IPO11: variants seen among roughly 807,000 people sequenced by gnomAD.
IPO11 encodes the protein importin-11.
In IPO11, 66 loss-of-function variants were observed where a neutral mutation model predicts 143.2. The ratio of observed to expected loss-of-function variants is 0.46; its 90% CI spans 0.38 to 0.57. The LOEUF is 0.57. IPO11 is among the 20% of genes least tolerant of loss of function. The pLI, the probability that IPO11 is intolerant of heterozygous loss-of-function variation, is 0.00. For synonymous variants in IPO11, 385 were observed against 377.8 expected, an observed-to-expected ratio of 1.02 and a Z score of -0.22; for missense variants, 1,026 against 1,141.0, an observed-to-expected ratio of 0.90 and a Z score of 1.45.
intron 2 of IPO11, among the ~76,000 whole-genome samples, chr5:62,441,722 G>A (rs1744487557): frequency 6.6e-6 from 1 of 151,110 alleles, no homozygotes; most frequent in African/African-American, 2.4e-5. Context: ...CATCATGTTG[G>A]CCAGGCTGGT....
At chr5:62,504,549 T>C in intron 16 of IPO11, 118 bp from the exon 17 acceptor site, 1 of 621,888 alleles carries the variant, frequency 1.6e-6, no homozygotes. Flanking sequence ...TTACATGGTC[T>C]GTGACTCTAA....
At chr5:62,499,475 C>T (rs1741271243) in intron 16 of IPO11, among the ~76,000 whole-genome samples, 1 of 151,810 alleles carries the variant, frequency 6.6e-6, no homozygotes, top group Non-Finnish European at 1.5e-5. Context: ...CTGTATACCA[C>T]TGTAGACTTC....
chr5:62,533,511 C>T (rs1050442540), intron 22 of IPO11, among the ~76,000 whole-genome samples: 3 of 151,942 alleles, frequency 2.0e-5, no homozygotes, highest in South Asian at 4.1e-4. Flanking sequence ...CATGCCTGGC[C>T]GTACATTCTT....
rs113333615 is a variant in IPO11 at position 62,435,202 on chromosome 5, A to G, written c.-6-2072A>G. Among the ~76,000 whole-genome samples, 138 of 106,914 alleles carry G rather than the reference A, an allele frequency of 1.3e-3. 3 individuals are homozygous for G. In the South Asian group the frequency reaches 0.014, roughly 11 times the overall value. 70.1% of individuals were successfully genotyped at this position (106,914 alleles called of 152,430 possible). A position where few individuals can be genotyped will look rare whatever the true frequency, so the allele number is the denominator to read the frequency against. The stretch of plus-strand genomic sequence containing the variant: ...TATGTATATATATGTATATATATGT[A>G]TATATATGTGTATATATATATATAT... On this transcript the variant is annotated intron_variant, in intron 1 of 29. Transcript: ENST00000325324.
intron 7 of IPO11, among the ~76,000 whole-genome samples, chr5:62,473,960 A>G (rs1745872000): frequency 6.6e-6 from 1 of 152,124 alleles, no homozygotes; most frequent in Non-Finnish European, 1.5e-5. Context: ...TTGAATACTT[A>G]TTATTGCCAA....
intron 9 of IPO11, among the ~76,000 whole-genome samples, chr5:62,480,832 G>A (rs1746169605): frequency 2.0e-5 from 3 of 151,412 alleles, no homozygotes; most frequent in Admixed American, 1.3e-4. Flanking sequence ...AGGAGATTTT[G>A]GGCTGAGATG....
At chr5:62,421,769 G>T (rs1743523913) in intron 1 of IPO11, among the ~76,000 whole-genome samples, 1 of 152,228 alleles carries the variant, frequency 6.6e-6, no homozygotes, top group African/African-American at 2.4e-5. Context: ...ATGTAGAATA[G>T]TGATTAACTG....
intron 2 of IPO11, among the ~76,000 whole-genome samples, chr5:62,439,438 C>T (rs1289553686): frequency 6.6e-6 from 1 of 151,806 alleles, no homozygotes; most frequent in Non-Finnish European, 1.5e-5. Flanking sequence ...AGGTGCCCGC[C>T]ACCACGCCTG....
chr5:62,502,516 T>A (rs1326801195), intron 16 of IPO11, among the ~76,000 whole-genome samples: 1 of 152,248 alleles, frequency 6.6e-6, no homozygotes, highest in African/African-American at 2.4e-5. Flanking sequence ...TGTGTTTTTT[T>A]ATTTTCCCTT....
intron 9 of IPO11, 114 bp downstream of exon 9, chr5:62,476,867 T>C (rs1322171699): frequency 2.6e-6 from 3 of 1,145,622 alleles, no homozygotes; most frequent in Non-Finnish European, 3.5e-6. Flanking sequence ...AAACCTATGT[T>C]CTGACTCCTT....
At chr5:62,479,954 T>C (rs1181085871) in intron 9 of IPO11, among the ~76,000 whole-genome samples, 1 of 152,236 alleles carries the variant, frequency 6.6e-6, no homozygotes, top group Non-Finnish European at 1.5e-5. Context: ...TTAGCTCCCA[T>C]TTGTCAATTT....
intron 1 of IPO11, among the ~76,000 whole-genome samples, chr5:62,416,715 C>CTTTTTTTTT (rs11295932): frequency 6.9e-6 from 1 of 144,138 alleles, no homozygotes. Context: ...CTCTTATTAT[C>CTTTTTTTTT]TTTTTTTTTT....
intron 13 of IPO11, among the ~76,000 whole-genome samples, chr5:62,488,604 T>C (rs2112233402): frequency 6.6e-6 from 1 of 152,186 alleles, no homozygotes; most frequent in South Asian, 2.1e-4. Flanking sequence ...GAAAAGAGGA[T>C]CTTAAGGACA....
intron 28 of IPO11, among the ~76,000 whole-genome samples, chr5:62,594,434 A>C (rs944936745): frequency 1.8e-4 from 28 of 152,292 alleles, no homozygotes; most frequent in African/African-American, 6.3e-4. Flanking sequence ...AAGACGGAAG[A>C]AGTACAGTGT....
chr5:62,511,481 A>G (rs1004375498), intron 19 of IPO11, among the ~76,000 whole-genome samples: 1 of 152,228 alleles, frequency 6.6e-6, no homozygotes, highest in Non-Finnish European at 1.5e-5. Context: ...AAAATAAGGT[A>G]ACACATCTCT....
chr5:62,619,535 T>C (rs555979091), intron 29 of IPO11, among the ~76,000 whole-genome samples: 2 of 152,300 alleles, frequency 1.3e-5, no homozygotes, highest in South Asian at 4.1e-4. Context: ...ATTATGTCTT[T>C]ACCATGATAA....
At chr5:62,575,096 A>G (rs1406999514) in intron 27 of IPO11, among the ~76,000 whole-genome samples, 1 of 152,236 alleles carries the variant, frequency 6.6e-6, no homozygotes, top group Non-Finnish European at 1.5e-5. Context: ...ATTTTAAAGC[A>G]TACATTAAAA....
At chr5:62,551,774 T>A (rs1005263078) in intron 26 of IPO11, among the ~76,000 whole-genome samples, 5 of 152,280 alleles carry the variant, frequency 3.3e-5, no homozygotes, top group African/African-American at 1.2e-4. Flanking sequence ...TTTTAAAAAT[T>A]GTAGTTGATA....
Position 62,561,365 on chromosome 5 carries a change from A to G in IPO11, c.2582+108A>G. ...TTGCTGGGCAGTGGTACTTTTATAT[A>G]TATGGATGTGAATTTTGTTAGCTGA... On this transcript the variant is annotated intron_variant, in intron 27 of 29. Transcript: ENST00000325324. The G allele has an allele frequency of 3.9e-6, 2 of 509,650 alleles. 1 individual carries two copies. Among genetic ancestry groups the G allele is most frequent in the Non-Finnish European group, 6.2e-6 (2 of 324,240 alleles). 31.6% of individuals were successfully genotyped at this position (509,650 alleles called of 1,614,324 possible). A position where few individuals can be genotyped will look rare whatever the true frequency, so the allele number is the denominator to read the frequency against.
Sources: gnomAD v4.1 joint callset for allele counts (sites outside exome capture counted in the v4.1 genomes callset) on GRCh38, gnomAD v4.1.1 for gene constraint, MANE v1.5 for transcripts, NCBI Gene and HGNC (gene_info 2026-07-23, HGNC 2026-07-21) for gene names.